RSRC1: variants seen among roughly 807,000 people sequenced by gnomAD.
The protein encoded by RSRC1 is serine/Arginine-related protein 53.
RSRC1 carries 39 observed loss-of-function variants against 49.1 expected under a neutral mutation model. The ratio of observed to expected loss-of-function variants is 0.79; its 90% CI spans 0.61 to 1.04. The LOEUF (loss-of-function observed/expected upper bound fraction) is 1.04, where lower values mean the gene tolerates loss of function less well. Among genes scored for constraint, RSRC1 ranks in the 50% least tolerant of loss-of-function variants. The pLI is 0.00. For synonymous variants in RSRC1, 143 were observed against 130.8 expected (o/e 1.09, Z -0.63); for missense variants, 388 against 402.4 (o/e 0.96, Z 0.31).
intron 4 of RSRC1, among the ~76,000 whole-genome samples, chr3:158,287,338 A>G (rs1726631202): frequency 6.6e-6 from 1 of 152,164 alleles, no homozygotes; most frequent in Non-Finnish European, 1.5e-5. Flanking sequence ...ACATTTAAAT[A>G]TTTGTATTTA....
intron 7 of RSRC1, among the ~76,000 whole-genome samples, chr3:158,501,306 A>G (rs1222313798): frequency 6.6e-6 from 1 of 152,164 alleles, no homozygotes; most frequent in East Asian, 1.9e-4. Context: ...AGAAAGTTCC[A>G]TGAGCTGTTG....
At chr3:158,168,505 A>G (rs896432908) in intron 3 of RSRC1, among the ~76,000 whole-genome samples, 1 of 152,190 alleles carries the variant, frequency 6.6e-6, no homozygotes, top group African/African-American at 2.4e-5. Flanking sequence ...AGTCACTCTC[A>G]TTTTGACATA....
intron 3 of RSRC1, among the ~76,000 whole-genome samples, chr3:158,126,100 T>C (rs993858807): frequency 1.3e-5 from 2 of 152,144 alleles, no homozygotes; most frequent in Non-Finnish European, 2.9e-5. Flanking sequence ...CTAAGGCACA[T>C]CTTTTGTAAA....
At chr3:158,457,730 GTTTTTTTTT>G (rs201128863) in intron 6 of RSRC1, among the ~76,000 whole-genome samples, 28,375 of 119,578 alleles carry the variant, frequency 0.24, 3,062 homozygotes, top group South Asian at 0.36. Flanking sequence ...TGTGTTTTGT[GTTTTTTTTT>G]GTTTTTTTTT....
intron 7 of RSRC1, among the ~76,000 whole-genome samples, chr3:158,521,404 A>T (rs1711665167): frequency 6.6e-6 from 1 of 152,142 alleles, no homozygotes; most frequent in East Asian, 1.9e-4. Flanking sequence ...CACAATCCTG[A>T]TCTTTCCATT....
intron 6 of RSRC1, among the ~76,000 whole-genome samples, chr3:158,428,086 TCTTA>T (rs1191294021): frequency 6.6e-6 from 1 of 151,712 alleles, no homozygotes; most frequent in Non-Finnish European, 1.5e-5. Context: ...ATATTTTAAG[TCTTA>T]CTTCCACCCC....
At chr3:158,138,666 G>T (rs1297248675) in intron 3 of RSRC1, among the ~76,000 whole-genome samples, 1 of 152,014 alleles carries the variant, frequency 6.6e-6, no homozygotes, top group Non-Finnish European at 1.5e-5. Flanking sequence ...CTATATCTTT[G>T]TTTACTTATT....
intron 4 of RSRC1, chr3:158,275,841 G>T: frequency 1.9e-6 from 1 of 539,296 alleles, no homozygotes; most frequent in Non-Finnish European, 3.3e-6. Flanking sequence ...AGAGTATTGC[G>T]CCTTCTCCAA....
At chr3:158,221,073 T>C (rs1578210268) in intron 4 of RSRC1, among the ~76,000 whole-genome samples, 1 of 151,710 alleles carries the variant, frequency 6.6e-6, no homozygotes, top group Middle Eastern at 3.4e-3. Flanking sequence ...TGTAATATCC[T>C]CTGACTATAA....
chr3:158,211,564 G>A (rs1349884915), intron 4 of RSRC1, among the ~76,000 whole-genome samples: 1 of 151,920 alleles, frequency 6.6e-6, no homozygotes, highest in Non-Finnish European at 1.5e-5. Flanking sequence ...TATTTGCATT[G>A]CTATCAATTA....
At chr3:158,522,729 A>AT (rs1553821147) in intron 7 of RSRC1, among the ~76,000 whole-genome samples, 1 of 151,744 alleles carries the variant, frequency 6.6e-6, no homozygotes, top group Non-Finnish European at 1.5e-5. Flanking sequence ...TCCATGCTTC[A>AT]TTTTTTTTCC....
Position 158,147,952 on chromosome 3 carries a change from T to A in RSRC1, c.320+23961T>A, listed in dbSNP as rs560727084. On this transcript the variant is annotated intron_variant, in intron 3 of 9. Transcript: ENST00000611884. ...TAAAAATGCAATAAAAATGTTATAG[T>A]TGTGTCCAATAACTATAAAATTTTC... 1.8e-4 allele frequency among the ~76,000 whole-genome samples: 27 copies of A among 152,332 alleles called. No homozygotes were observed. The East Asian group carries it at 3.1e-3, about 17-fold the overall frequency.
At chr3:158,487,946 C>CAAAAAAAAAAAAAAAAAAAAAAAA (rs1303656428) in intron 7 of RSRC1, among the ~76,000 whole-genome samples, 23 of 11,464 alleles carry the variant, frequency 2.0e-3, no homozygotes, top group South Asian at 4.3e-3. Flanking sequence ...GACTCCATCT[C>CAAAAAAAAAAAAAAAAAAAAAAAA]AAGAAAAAAA....
At chr3:158,387,824 T>C (rs1031359921) in intron 6 of RSRC1, among the ~76,000 whole-genome samples, 2 of 152,204 alleles carry the variant, frequency 1.3e-5, no homozygotes, top group Admixed American at 1.3e-4. Flanking sequence ...GTTTGATGCA[T>C]AGAATGTTTT....
rs138785241 is a variant in RSRC1, at chr3:158,123,940, G to A, written c.269G>A (p.Arg90Gln). The change falls in exon 3 of 10, where the codon CGA becomes CAA. Residue 90 changes from arginine to glutamine, a missense_variant. By Grantham distance (43) the Arg-to-Gln change is conservative. Transcript: ENST00000611884. ...CGAAGTCGAAGTCGTTCAAGGGGTC[G>A]AGGGAAATCCTATAGAGTTCAGAGG... ...RKRSRSRSRG[R>Q]GKSYRVQRSR... 35 of 1,612,896 alleles carry A rather than the reference G, an allele frequency of 2.2e-5. No homozygotes were observed. The South Asian group carries it at 2.2e-4, about 10-fold the overall frequency.
chr3:158,227,546 A>G (rs1388758158), intron 4 of RSRC1, among the ~76,000 whole-genome samples: 4 of 152,034 alleles, frequency 2.6e-5, no homozygotes, highest in Admixed American at 1.3e-4. Flanking sequence ...TGAATAAAAG[A>G]AGAGCCTTGG....
At chr3:158,177,426 A>G (rs1719293113) in intron 3 of RSRC1, among the ~76,000 whole-genome samples, 1 of 152,220 alleles carries the variant, frequency 6.6e-6, no homozygotes, top group Non-Finnish European at 1.5e-5. Context: ...GATTAAGAAA[A>G]TGTGGCACAT....
chr3:158,483,492 C>T (rs1412874194), intron 7 of RSRC1, among the ~76,000 whole-genome samples: 1 of 151,896 alleles, frequency 6.6e-6, no homozygotes, highest in East Asian at 1.9e-4. Context: ...GAATAGAGAA[C>T]CCATGTGAAA....
At chr3:158,504,588 C>G (rs932991793) in intron 7 of RSRC1, among the ~76,000 whole-genome samples, 1 of 152,190 alleles carries the variant, frequency 6.6e-6, no homozygotes, top group Non-Finnish European at 1.5e-5. Flanking sequence ...GGTCTACTTA[C>G]TACTTACTGA....
Sources: gnomAD v4.1 joint callset for allele counts (sites outside exome capture counted in the v4.1 genomes callset) on GRCh38, gnomAD v4.1.1 for gene constraint, MANE v1.5 for transcripts, NCBI Gene and HGNC (gene_info 2026-07-23, HGNC 2026-07-21) for gene names.